ARHGAP24: variants seen among roughly 807,000 people sequenced by gnomAD.
ARHGAP24 encodes the protein Rho GTPase activating protein 24, also known as rho GTPase-activating protein 24.
In ARHGAP24, 50 loss-of-function variants were observed where a neutral mutation model predicts 76.4. The observed-to-expected ratio is 0.65, with a 90% CI of 0.52 to 0.83. ARHGAP24 has a LOEUF of 0.83. Ranked by LOEUF, ARHGAP24 falls within the 40% of genes least tolerant of loss-of-function variation. The pLI is 0.00. For missense variants in ARHGAP24, 930 were observed against 914.2 expected, an observed-to-expected ratio of 1.02 and a Z score of -0.22; for synonymous variants, 345 against 323.3, an observed-to-expected ratio of 1.07 and a Z score of -0.72.
chr4:85,580,106 C>T (rs904962454), intron 2 of ARHGAP24, among the ~76,000 whole-genome samples: 1 of 151,794 alleles, frequency 6.6e-6, no homozygotes, highest in African/African-American at 2.4e-5. Context: ...TGCGTCCCTC[C>T]ACACCCTGTG....
At chr4:85,904,232 G>A (rs115369876) in intron 3 of ARHGAP24, among the ~76,000 whole-genome samples, 1,668 of 152,290 alleles carry the variant, frequency 0.011, 26 homozygotes, top group African/African-American at 0.037. Context: ...AGGCCTCAGG[G>A]AGCTTTTACT....
intron 2 of ARHGAP24, among the ~76,000 whole-genome samples, chr4:85,593,708 C>G (rs1263103079): frequency 6.6e-6 from 1 of 152,246 alleles, no homozygotes; most frequent in East Asian, 1.9e-4. Context: ...ATTGAAGAGA[C>G]TGTCCTTTCC....
intron 3 of ARHGAP24, among the ~76,000 whole-genome samples, chr4:85,796,093 C>T (rs1197799785): frequency 6.6e-6 from 1 of 152,034 alleles, no homozygotes; most frequent in Non-Finnish European, 1.5e-5. Flanking sequence ...AAAGTTATCA[C>T]AGTTTTTGCC....
chr4:85,622,635 T>C (rs890327158), intron 2 of ARHGAP24, among the ~76,000 whole-genome samples: 3 of 152,170 alleles, frequency 2.0e-5, no homozygotes, highest in Non-Finnish European at 2.9e-5. Context: ...CTGGGTTAAA[T>C]GGTATTTCTA....
chr4:85,895,820 T>A (rs10008221), intron 3 of ARHGAP24, among the ~76,000 whole-genome samples: 1,677 of 152,286 alleles, frequency 0.011, 13 homozygotes, highest in Middle Eastern at 0.031. Flanking sequence ...ACCATTTACA[T>A]GTTATTTCTC....
intron 2 of ARHGAP24, among the ~76,000 whole-genome samples, chr4:85,660,794 C>CAAGAAAAAA (rs1722351056): frequency 1.7e-5 from 1 of 59,438 alleles, no homozygotes; most frequent in African/African-American, 5.9e-5. Context: ...GACTCCGTCT[C>CAAGAAAAAA]AAAAAAAAAA....
chr4:85,664,746 A>G (rs1344909620), intron 2 of ARHGAP24, among the ~76,000 whole-genome samples: 1 of 151,528 alleles, frequency 6.6e-6, no homozygotes, highest in East Asian at 1.9e-4. Context: ...GAACATCTTT[A>G]TTTCTGCCTT....
intron 3 of ARHGAP24, among the ~76,000 whole-genome samples, chr4:85,726,533 T>A (rs1725174131): frequency 6.6e-6 from 1 of 152,130 alleles, no homozygotes; most frequent in Non-Finnish European, 1.5e-5. Flanking sequence ...TGGGGCTTTG[T>A]TTCCTCTTGC....
chr4:85,527,655 C>A (rs1484909408), intron 1 of ARHGAP24, among the ~76,000 whole-genome samples: 1 of 151,954 alleles, frequency 6.6e-6, no homozygotes, highest in Non-Finnish European at 1.5e-5. Flanking sequence ...TCTATGTGTT[C>A]AAGGGAGGAC....
intron 3 of ARHGAP24, among the ~76,000 whole-genome samples, chr4:85,773,511 T>C (rs1484602602): frequency 2.0e-5 from 3 of 152,164 alleles, no homozygotes; most frequent in African/African-American, 7.2e-5. Flanking sequence ...TGCATTCAAA[T>C]TGTATTTTGG....
At chr4:85,496,725 G>T (rs1031053774) in intron 1 of ARHGAP24, among the ~76,000 whole-genome samples, 3 of 152,200 alleles carry the variant, frequency 2.0e-5, no homozygotes, top group Admixed American at 6.5e-5. Flanking sequence ...CATAGTTCAT[G>T]GTTTGCACCA....
At chr4:85,672,701 G>A (rs1722850998) in intron 2 of ARHGAP24, among the ~76,000 whole-genome samples, 1 of 152,194 alleles carries the variant, frequency 6.6e-6, no homozygotes, top group South Asian at 2.1e-4. Flanking sequence ...TTTCTCCATG[G>A]TGGGGAAACA....
At chr4:85,645,819 A>C (rs1254892958) in intron 2 of ARHGAP24, among the ~76,000 whole-genome samples, 1 of 152,104 alleles carries the variant, frequency 6.6e-6, no homozygotes, top group Non-Finnish European at 1.5e-5. Flanking sequence ...GATAGCTTTT[A>C]AATGGTTTTC....
At chr4:85,590,469 C>G (rs1728048220) in intron 2 of ARHGAP24, among the ~76,000 whole-genome samples, 1 of 151,990 alleles carries the variant, frequency 6.6e-6, no homozygotes, top group Non-Finnish European at 1.5e-5. Flanking sequence ...AAGCGATTCT[C>G]CTGCTCCAGC....
intron 5 of ARHGAP24, among the ~76,000 whole-genome samples, chr4:85,970,690 T>C (rs1318363638): frequency 6.6e-6 from 1 of 152,120 alleles, no homozygotes; most frequent in Non-Finnish European, 1.5e-5. Context: ...GAAACCCCAG[T>C]GCCTGCCTCC....
chr4:85,943,403 C>G (rs534491356), intron 5 of ARHGAP24, among the ~76,000 whole-genome samples: 1 of 152,256 alleles, frequency 6.6e-6, no homozygotes, highest in South Asian at 2.1e-4. Context: ...ATAGATGGCA[C>G]CTTTTCACTG....
chr4:85,733,733 C>T (rs1304114777), intron 3 of ARHGAP24, among the ~76,000 whole-genome samples: 1 of 152,124 alleles, frequency 6.6e-6, no homozygotes, highest in African/African-American at 2.4e-5. Flanking sequence ...AGGGTCTTCC[C>T]TCAGTGCCCT....
intron 2 of ARHGAP24, among the ~76,000 whole-genome samples, chr4:85,587,701 C>T (rs547797670): frequency 6.6e-6 from 1 of 152,158 alleles, no homozygotes; most frequent in East Asian, 1.9e-4. Context: ...TCCATCAATC[C>T]CTTGGACTTG....
At chr4:85,632,861 T>C (rs564370304) in intron 2 of ARHGAP24, among the ~76,000 whole-genome samples, 2 of 152,106 alleles carry the variant, frequency 1.3e-5, no homozygotes, top group Admixed American at 6.6e-5. Flanking sequence ...TTTTCCCTAA[T>C]GAGATAACAG....
Sources: allele counts gnomAD v4.1 joint callset (sites outside exome capture counted in the v4.1 genomes callset), GRCh38; gene constraint gnomAD v4.1.1; transcripts MANE v1.5; gene names NCBI Gene and HGNC (gene_info 2026-07-23, HGNC 2026-07-21).